RNF180: variants seen among roughly 807,000 people sequenced by gnomAD.
RNF180 encodes the protein E3 ubiquitin-protein ligase RNF180.
A neutral mutation model predicts 59.2 loss-of-function variants in RNF180; 38 were observed. The ratio of observed to expected loss-of-function variants is 0.64; its 90% CI spans 0.50 to 0.84. The LOEUF (loss-of-function observed/expected upper bound fraction) is 0.84, where lower values mean the gene tolerates loss of function less well. Ranked by LOEUF, RNF180 falls within the 40% of genes least tolerant of loss-of-function variation. The probability of loss-of-function intolerance (pLI) is 0.00; values close to 1 mark genes in which losing one functional copy is unlikely to be tolerated. For missense variants in RNF180, 705 were observed against 700.9 expected (o/e 1.01, Z -0.07); for synonymous variants, 262 against 240.3 (o/e 1.09, Z -0.84).
At chr5:64,296,990 T>C (rs1742914846) in intron 5 of RNF180, among the ~76,000 whole-genome samples, 1 of 152,114 alleles carries the variant, frequency 6.6e-6, no homozygotes, top group African/African-American at 2.4e-5. Context: ...AAGGAAACTA[T>C]AGCCAGACAT....
Position 64,303,422 on chromosome 5 carries a change from ATAGT to A in RNF180, c.1228-21760_1228-21757del, listed in dbSNP as rs556098074. Among the ~76,000 whole-genome samples the A allele has an allele frequency of 8.8e-4, 133 of 151,800 alleles. 2 individuals carry two copies. The highest frequency in any genetic ancestry group is 2.1e-4 in the Non-Finnish European group (14 of 67,722). On this transcript the variant is annotated intron_variant, in intron 5 of 7. Transcript: ENST00000389100. ...GGATATCCTAGGCCTCTTGCACCAA[ATAGT>A]TAGCTAAGTTGTGAAAGCAAAGAAA...
Position 64,355,495 on chromosome 5 carries a change from A to G in RNF180, c.1580-14120A>G, listed in dbSNP as rs1283863881. Among the ~76,000 whole-genome samples the G allele has an allele frequency of 7.2e-5, 11 of 151,986 alleles. 1 individual carries two copies. The highest frequency in any genetic ancestry group is 1.5e-5 in the Non-Finnish European group (1 of 67,932). On this transcript the variant is annotated intron_variant, in intron 7 of 7. Coordinates refer to ENST00000389100, the MANE Select transcript of RNF180 (RefSeq NM_001113561.2). ...TAAGATATCAGTACTGCCCAAGGCCATCTACAGATTTAACACAATTTCTAT... is the reference window on the plus strand; with the variant it reads ...TAAGATATCAGTACTGCCCAAGGCCGTCTACAGATTTAACACAATTTCTAT...
chr5:64,308,180 C>T (rs1489097937), intron 5 of RNF180, among the ~76,000 whole-genome samples: 1 of 151,768 alleles, frequency 6.6e-6, no homozygotes, highest in Non-Finnish European at 1.5e-5. Context: ...CTTTGAATAA[C>T]TGATTCAGTC....
intron 5 of RNF180, among the ~76,000 whole-genome samples, chr5:64,324,266 A>ACCAGG (rs1176166050): frequency 6.6e-6 from 1 of 152,172 alleles, no homozygotes; most frequent in Admixed American, 6.5e-5. Context: ...CAAGGCAGGA[A>ACCAGG]CCAGGCCTGG....
At chr5:64,364,902 G>A (rs549865527) in intron 7 of RNF180, among the ~76,000 whole-genome samples, 13 of 151,212 alleles carry the variant, frequency 8.6e-5, no homozygotes, top group African/African-American at 3.2e-4. Context: ...TTTCTGTGGA[G>A]TCAGTGGTGT....
chr5:64,197,102 C>G (rs1044796162), intron 1 of RNF180, among the ~76,000 whole-genome samples: 1 of 152,124 alleles, frequency 6.6e-6, no homozygotes, highest in Non-Finnish European at 1.5e-5. Context: ...TGGTATTTCA[C>G]CATAAAGTGT....
rs10038059 is a variant in RNF180 at position 64,240,036 on chromosome 5, T to G, written c.1227+22640T>G. Among the ~76,000 whole-genome samples, 732 of 152,290 alleles carry G rather than the reference T, an allele frequency of 4.8e-3. 4 individuals carry two copies. The highest frequency in any genetic ancestry group is 8.4e-3 in the Non-Finnish European group (570 of 68,004). ...TTCAGAAATACACATTTGCCCTATG[T>G]ATTCTTGCTCTTCACTCTCTGAACT... On this transcript the variant is annotated intron_variant, in intron 5 of 7. Coordinates refer to ENST00000389100, the MANE Select transcript of RNF180 (RefSeq NM_001113561.2).
chr5:64,364,818 T>G (rs953097071), intron 7 of RNF180, among the ~76,000 whole-genome samples: 1 of 151,610 alleles, frequency 6.6e-6, no homozygotes, highest in Admixed American at 6.6e-5. Context: ...TGTCCAGGAG[T>G]TTGTCCATTT....
intron 5 of RNF180, among the ~76,000 whole-genome samples, chr5:64,268,672 C>G (rs1347328996): frequency 1.3e-5 from 2 of 152,142 alleles, no homozygotes; most frequent in African/African-American, 4.8e-5. Flanking sequence ...TCCAAAGGAA[C>G]CAAGGCATTC....
At chr5:64,242,222 C>G (rs186779282) in intron 5 of RNF180, among the ~76,000 whole-genome samples, 241 of 152,316 alleles carry the variant, frequency 1.6e-3, no homozygotes, top group Non-Finnish European at 3.1e-3. Flanking sequence ...TTCTGGCACC[C>G]CAGCACCACC....
intron 6 of RNF180, among the ~76,000 whole-genome samples, chr5:64,329,153 C>T (rs147477774): frequency 1.7e-3 from 260 of 152,242 alleles, no homozygotes; most frequent in Non-Finnish European, 3.0e-3. Context: ...GGTGGTCAAC[C>T]CATCACATAT....
At chr5:64,352,758 T>TA (rs1272874952) in intron 7 of RNF180, among the ~76,000 whole-genome samples, 2 of 152,030 alleles carry the variant, frequency 1.3e-5, no homozygotes, top group Non-Finnish European at 2.9e-5. Context: ...TTTTTTGATA[T>TA]AAAATATCAG....
intron 5 of RNF180, among the ~76,000 whole-genome samples, chr5:64,247,690 T>C (rs781177446): frequency 6.6e-6 from 1 of 152,202 alleles, no homozygotes; most frequent in African/African-American, 2.4e-5. Context: ...GTGCACAAAG[T>C]AATTTATAGA....
At chr5:64,168,485 C>T (rs1050408833) in intron 1 of RNF180, among the ~76,000 whole-genome samples, 3 of 152,170 alleles carry the variant, frequency 2.0e-5, no homozygotes, top group Non-Finnish European at 4.4e-5. Flanking sequence ...CATGTAATCT[C>T]TGTTGTAACC....
intron 1 of RNF180, among the ~76,000 whole-genome samples, chr5:64,183,694 C>T (rs777447896): frequency 2.0e-5 from 3 of 152,036 alleles, no homozygotes; most frequent in Non-Finnish European, 4.4e-5. Flanking sequence ...GTGATCTGCC[C>T]GCCTTGGCCG....
At chr5:64,231,585 G>T (rs1742106317) in intron 5 of RNF180, among the ~76,000 whole-genome samples, 1 of 152,174 alleles carries the variant, frequency 6.6e-6, no homozygotes, top group African/African-American at 2.4e-5. Context: ...ATCATTATGC[G>T]AAATATTGAA....
chr5:64,231,603 G>GT (rs1184006703), intron 5 of RNF180, among the ~76,000 whole-genome samples: 2 of 152,200 alleles, frequency 1.3e-5, no homozygotes, highest in African/African-American at 4.8e-5. Flanking sequence ...GAAGCCAGAA[G>GT]TTTGAGTTAG....
At chr5:64,213,077 T>C (rs567659943) in intron 3 of RNF180, among the ~76,000 whole-genome samples, 39 of 152,318 alleles carry the variant, frequency 2.6e-4, no homozygotes, top group Middle Eastern at 3.4e-3. Context: ...GCAATCAGTA[T>C]ATTTTGGTTG....
At chr5:64,324,523 T>C (rs1744534523) in intron 5 of RNF180, among the ~76,000 whole-genome samples, 1 of 152,164 alleles carries the variant, frequency 6.6e-6, no homozygotes, top group Non-Finnish European at 1.5e-5. Flanking sequence ...AACAAGACAA[T>C]GTTGAATGAA....
Sources: allele counts gnomAD v4.1 joint callset (sites outside exome capture counted in the v4.1 genomes callset), GRCh38; gene constraint gnomAD v4.1.1; transcripts MANE v1.5; gene names NCBI Gene and HGNC (gene_info 2026-07-23, HGNC 2026-07-21).